Variants in LIG1 observed in about 807,000 individuals in gnomAD.
LIG1 encodes DNA ligase 1.
In LIG1, 70 loss-of-function variants were observed where a neutral mutation model predicts 115.7. The observed-to-expected ratio is 0.60, with a 90% CI of 0.50 to 0.74. The LOEUF (loss-of-function observed/expected upper bound fraction) is 0.74. Ranked by LOEUF, LIG1 falls within the 30% of genes least tolerant of loss-of-function variation. The probability of loss-of-function intolerance (pLI) is 0.00; values close to 1 mark genes in which losing one functional copy is unlikely to be tolerated. For missense variants in LIG1, 1,115 were observed against 1,225.6 expected (o/e 0.91, Z 1.35); for synonymous variants, 487 against 495.3 (o/e 0.98, Z 0.22).
intron 25 of LIG1, among the ~76,000 whole-genome samples, chr19:48,118,803 T>C (rs148418237): frequency 1.8e-4 from 28 of 152,328 alleles, no homozygotes; most frequent in African/African-American, 6.7e-4. Context: ...CCTGTGACCA[T>C]GACAACATTC....
chr19:48,169,436 G>A (rs1418725738), intron 1 of LIG1, among the ~76,000 whole-genome samples: 1 of 152,140 alleles, frequency 6.6e-6, no homozygotes, highest in African/African-American at 2.4e-5. Context: ...GGGGAAGATG[G>A]ATATACTCTT....
At position 48,132,618 on chromosome 19, in the gene LIG1, C is replaced by T. The variant is rs2034099325; in HGVS notation, c.1725+364G>A. On this transcript the variant is annotated intron_variant, in intron 18 of 27. Coordinates refer to ENST00000263274, the MANE Select transcript of LIG1 (RefSeq NM_000234.3). ...CATCTTGGCCAACATGGTGAAACCT[C>T]GTCTCTACTAAAAATACAAAAAATT... Among the ~76,000 whole-genome samples the T allele has an allele frequency of 2.0e-5, 3 of 151,536 alleles. No homozygotes were observed. In the South Asian group the frequency reaches 6.3e-4, roughly 32 times the overall value.
Position 48,127,896 on chromosome 19 carries a change from G to C in LIG1, c.1932+14C>G, listed in dbSNP as rs750658610. 3.7e-6 allele frequency: 6 copies of C among 1,604,648 alleles called. No homozygotes were observed. In the East Asian group the frequency reaches 1.3e-4, roughly 36 times the overall value. ...GTACGGGGCCTTGGCAGGCAGTGGAGCGGGTGATGCTACCTTGCGTTTGCG... is the reference window on the plus strand; with the variant it reads ...GTACGGGGCCTTGGCAGGCAGTGGACCGGGTGATGCTACCTTGCGTTTGCG... On this transcript the variant is annotated intron_variant, in intron 20 of 27. Coordinates refer to ENST00000263274, the MANE Select transcript of LIG1 (RefSeq NM_000234.3).
chr19:48,117,604 A>G (rs369737400), intron 26 of LIG1, 34 bp downstream of exon 26: 528 of 1,608,448 alleles, frequency 3.3e-4, no homozygotes, highest in Middle Eastern at 2.0e-3. Flanking sequence ...CCAGAATCCC[A>G]CACAGGGCCA....
At position 48,137,408 on chromosome 19, in the gene LIG1, G is replaced by A; in HGVS notation, c.1254+114C>T. ...GAGGAGAGGAAGCTGTGCACCCCATGAGAAGGACTGATGCGACCCAGCTGA... is the reference window on the plus strand; with the variant it reads ...GAGGAGAGGAAGCTGTGCACCCCATAAGAAGGACTGATGCGACCCAGCTGA... On this transcript the variant is annotated intron_variant, in intron 13 of 27. Coordinates refer to ENST00000263274, the MANE Select transcript of LIG1 (RefSeq NM_000234.3). This position sits in a 1 kb window ranked among gnomAD's most constrained non-coding sequence, Gnocchi z 4.3. 7.4e-7 allele frequency: 1 copy of A among 1,348,342 alleles called. No individual in the cohort carries two copies. 83.5% of individuals were successfully genotyped at this position (1,348,342 alleles called of 1,614,324 possible). A position where few individuals can be genotyped will look rare whatever the true frequency, so the allele number is the denominator to read the frequency against.
chr19:48,168,129 T>C (rs1231192715), intron 1 of LIG1, among the ~76,000 whole-genome samples: 6 of 152,180 alleles, frequency 3.9e-5, no homozygotes, highest in Non-Finnish European at 8.8e-5. Context: ...CCTGCATCTA[T>C]AGTACGTTCC....
rs766187443 is a variant in LIG1 at position 48,122,917 on chromosome 19, T to TG, written c.2232+16dup. On this transcript the variant is annotated intron_variant, in intron 23 of 27. Coordinates refer to ENST00000263274, the MANE Select transcript of LIG1 (RefSeq NM_000234.3). This position sits in a 1 kb window ranked among gnomAD's most constrained non-coding sequence, Gnocchi z 4.3. ...AGACCCGGGGTGGAGAAGGCCCAGT[T>TG]GGGGGTCGAGAATCACCTTGAGCCA... 7 of 1,611,506 alleles carry TG rather than the reference T, an allele frequency of 4.3e-6. No individual in the cohort carries two copies. In the Middle Eastern group the frequency reaches 6.6e-4, roughly 151 times the overall value.
intron 2 of LIG1, among the ~76,000 whole-genome samples, chr19:48,163,225 ATTTTT>A (rs34148826): frequency 1.3e-5 from 2 of 148,338 alleles, no homozygotes; most frequent in Admixed American, 6.8e-5. Context: ...GCCTAAAAAA[ATTTTT>A]TTTTTTGAGA....
At chr19:48,133,910 G>T in intron 17 of LIG1, 71 bp downstream of exon 17, 1 of 1,304,986 alleles carries the variant, frequency 7.7e-7, no homozygotes, top group Non-Finnish European at 1.1e-6. Flanking sequence ...CGCCTACGAT[G>T]GCCACCCTCA....
intron 21 of LIG1, among the ~76,000 whole-genome samples, chr19:48,124,954 G>A (rs2033564864): frequency 6.6e-6 from 1 of 151,410 alleles, no homozygotes; most frequent in Non-Finnish European, 1.5e-5. Context: ...GGCGGAGGCT[G>A]CAGTGAGCCA....
At chr19:48,132,945 T>C (rs769583935) in intron 18 of LIG1, 37 bp downstream of exon 18, 4 of 1,471,344 alleles carry the variant, frequency 2.7e-6, no homozygotes, top group Non-Finnish European at 3.8e-6. Flanking sequence ...TTTGACGTTT[T>C]CCTGTCTGTG....
chr19:48,142,182 A>G (rs1192158999), intron 11 of LIG1, among the ~76,000 whole-genome samples: 1 of 152,072 alleles, frequency 6.6e-6, no homozygotes, highest in Non-Finnish European at 1.5e-5. Context: ...TCACACCTGT[A>G]ATCCCAGCAC....
intron 1 of LIG1, among the ~76,000 whole-genome samples, chr19:48,168,379 C>T (rs1341609891): frequency 6.6e-6 from 1 of 152,176 alleles, no homozygotes; most frequent in Non-Finnish European, 1.5e-5. Flanking sequence ...CTTCAAAACC[C>T]GGTGTGGCTG....
intron 6 of LIG1, among the ~76,000 whole-genome samples, chr19:48,152,976 C>T (rs913923690): frequency 6.6e-5 from 10 of 152,066 alleles, no homozygotes; most frequent in African/African-American, 2.2e-4. Flanking sequence ...GTGGGCAGAT[C>T]ATGTGAGCTC....
At position 48,123,328 on chromosome 19, in the gene LIG1, C is replaced by T. The variant is rs767020971; in HGVS notation, c.2005-10G>A. ...GCTCACGTACCAGGGACTGCAGGGC[C>T]GGCAGGGAGAAGAGAGATGAGACAT... On this transcript the variant is annotated splice_polypyrimidine_tract_variant and intron_variant, in intron 21 of 27. Transcript: ENST00000263274. 32 of 1,612,308 alleles carry T rather than the reference C, an allele frequency of 2.0e-5. No individual in the cohort carries two copies. Among genetic ancestry groups the T allele is most frequent in the Non-Finnish European group, 2.4e-5 (28 of 1,179,978 alleles).
At chr19:48,149,902 C>A in intron 8 of LIG1, 61 bp from the exon 9 acceptor site, 1 of 1,562,606 alleles carries the variant, frequency 6.4e-7, no homozygotes. Context: ...CACCTCCCAT[C>A]CATTCTGCAC....
chr19:48,116,022 C>A, intron 26 of LIG1, 57 bp from the exon 27 acceptor site: 1 of 1,206,404 alleles, frequency 8.3e-7, no homozygotes, highest in South Asian at 1.3e-5. Flanking sequence ...CCTGCTCAGT[C>A]TCCTCCCTCC....
Position 48,122,960 on chromosome 19 carries a change from C to A in LIG1, c.2206G>T (p.Ala736Ser), listed in dbSNP as rs755197772. 3 of 1,613,308 alleles carry A rather than the reference C, an allele frequency of 1.9e-6. No individual in the cohort carries two copies. Among genetic ancestry groups the A allele is most frequent in the Admixed American group, 1.7e-5 (1 of 59,846 alleles). ...TTGAGCCAGTTGTGCGATCTCTTGG[C>A]GATCTCGTAGGTGGCATCAACATCC... ...TLDVDATYEI[A>S]KRSHNWLKLK... The change falls in exon 23 of 28, where the codon GCC (alanine) becomes TCC (serine). Residue 736 changes from alanine to serine, a missense_variant. Transcript: ENST00000263274. This position sits in a 1 kb window ranked among gnomAD's most constrained non-coding sequence, Gnocchi z 4.3.
chr19:48,156,000 A>G (rs997635603), intron 5 of LIG1, among the ~76,000 whole-genome samples: 8 of 152,298 alleles, frequency 5.3e-5, no homozygotes, highest in African/African-American at 1.4e-4. Flanking sequence ...CCGGACGGCA[A>G]GGGCTCACAC....
Sources: allele counts gnomAD v4.1 joint callset (sites outside exome capture counted in the v4.1 genomes callset), GRCh38; gene constraint gnomAD v4.1.1; non-coding constraint Gnocchi (gnomAD v3.1); transcripts MANE v1.5; gene names NCBI Gene and HGNC (gene_info 2026-07-23, HGNC 2026-07-21).